The following ADGB variants were observed in gnomAD, a reference collection of about 807,000 sequenced individuals.
ADGB encodes the protein calpain-7-like protein.
A neutral mutation model predicts 210.5 loss-of-function variants in ADGB; 172 were observed. The observed-to-expected ratio is 0.82, with a 90% confidence interval of 0.72 to 0.93. The LOEUF (loss-of-function observed/expected upper bound fraction) is 0.93, where lower values mean the gene tolerates loss of function less well. Among genes scored for constraint, ADGB ranks in the 40% least tolerant of loss-of-function variants. The probability of loss-of-function intolerance (pLI) is 0.00; values close to 1 mark genes in which losing one functional copy is unlikely to be tolerated. For missense variants in ADGB, 2,025 were observed against 1,964.8 expected (o/e 1.03, Z -0.58); for synonymous variants, 658 against 662.7 (o/e 0.99, Z 0.11).
intron 7 of ADGB, among the ~76,000 whole-genome samples, chr6:146,671,819 C>T (rs906427098): frequency 1.3e-5 from 2 of 152,112 alleles, no homozygotes; most frequent in Non-Finnish European, 2.9e-5. Flanking sequence ...AAGCAAGAAA[C>T]AACACTGTCA....
intron 1 of ADGB, among the ~76,000 whole-genome samples, chr6:146,617,690 T>G (rs1208450982): frequency 6.6e-6 from 1 of 152,158 alleles, no homozygotes; most frequent in East Asian, 1.9e-4. Context: ...CAATTATCTA[T>G]TGAAATAATC....
Position 146,699,957 on chromosome 6 carries a change from A to C in ADGB, c.1578-984A>C, listed in dbSNP as rs141566953. ...ACATGAAATTCTAATACCCAGATAC[A>C]GGTGGCTTCATCACCTGATTGGATT... is the stretch of plus-strand genomic sequence containing the variant. On this transcript the variant is annotated intron_variant, in intron 12 of 35. Coordinates refer to ENST00000397944, the MANE Select transcript of ADGB (RefSeq NM_024694.4). Among the ~76,000 whole-genome samples the C allele has an allele frequency of 1.2e-4, 19 of 152,328 alleles. No individual in the cohort carries two copies. The East Asian group carries it at 3.7e-3, about 29-fold the overall frequency.
At chr6:146,807,493 C>T (rs1429591398) in intron 35 of ADGB, 4 of 1,551,580 alleles carry the variant, frequency 2.6e-6, no homozygotes, top group Non-Finnish European at 3.5e-6. Context: ...AAGCTGGAAG[C>T]TCTCTCTGCT....
At chr6:146,647,563 A>G (rs1183228059) in intron 3 of ADGB, among the ~76,000 whole-genome samples, 1 of 152,130 alleles carries the variant, frequency 6.6e-6, no homozygotes, top group Non-Finnish European at 1.5e-5. Flanking sequence ...ATATTAAAAA[A>G]GCGAAGAGCA....
Position 146,726,088 on chromosome 6 carries a change from A to C in ADGB, c.2243A>C (p.His748Pro). The C allele has an allele frequency of 6.5e-7, 1 of 1,528,032 alleles. No individual in the cohort carries two copies. Among genetic ancestry groups the C allele is most frequent in the African/African-American group, 1.4e-5 (1 of 72,890 alleles). 94.7% of individuals were successfully genotyped at this position (1,528,032 alleles called of 1,614,324 possible). ...ATVVRLPVGR[H>P]MLLFNAYSPV... The stretch of plus-strand genomic sequence containing the variant: ...CCGGCATCCCTTCTCTTTAGGAGAC[A>C]CATGCTACTCTTCAACGCATACTCC... The change falls in exon 19 of 36, where the codon CAC becomes CCC. Residue 748 changes from histidine to proline, a missense_variant. By Grantham distance (77) the His-to-Pro change is moderately conservative. Coordinates refer to ENST00000397944, the MANE Select transcript of ADGB (RefSeq NM_024694.4).
chr6:146,694,219 T>C (rs1332885197), intron 12 of ADGB, among the ~76,000 whole-genome samples: 1 of 152,168 alleles, frequency 6.6e-6, no homozygotes, highest in Admixed American at 6.6e-5. Context: ...TTTGGGCTGC[T>C]ATAACAAAAT....
intron 13 of ADGB, among the ~76,000 whole-genome samples, chr6:146,708,779 T>C (rs1274777750): frequency 6.6e-6 from 1 of 152,174 alleles, no homozygotes; most frequent in East Asian, 1.9e-4. Context: ...TTTCTGCTAT[T>C]ATTTCTTTAA....
intron 27 of ADGB, among the ~76,000 whole-genome samples, chr6:146,761,465 C>T (rs1777490771): frequency 1.3e-5 from 2 of 152,044 alleles, no homozygotes; most frequent in Admixed American, 6.6e-5. Context: ...TCCTCCAACA[C>T]TGCCTTTTCT....
At chr6:146,797,825 G>C (rs1778068974) in intron 33 of ADGB, among the ~76,000 whole-genome samples, 1 of 152,104 alleles carries the variant, frequency 6.6e-6, no homozygotes. Flanking sequence ...CACAGCTGAA[G>C]TAATGGGTGC....
intron 8 of ADGB, among the ~76,000 whole-genome samples, chr6:146,674,965 A>T (rs898078056): frequency 1.3e-5 from 2 of 152,200 alleles, no homozygotes; most frequent in Non-Finnish European, 2.9e-5. Context: ...TTTGAAAATT[A>T]TACATGCACT....
chr6:146,727,168 C>G (rs1413180038), intron 19 of ADGB, among the ~76,000 whole-genome samples: 2 of 144,342 alleles, frequency 1.4e-5, no homozygotes, highest in African/African-American at 5.3e-5. Context: ...AGCTCTAACC[C>G]TTTCCTACCA....
chr6:146,672,072 T>C, intron 7 of ADGB, 148 bp from the exon 8 acceptor site: 1 of 1,082,596 alleles, frequency 9.2e-7, no homozygotes, highest in Admixed American at 3.0e-5. Flanking sequence ...GTCTAATACA[T>C]AATGCTGTTC....
chr6:146,634,083 T>G (rs1185199089), intron 1 of ADGB, among the ~76,000 whole-genome samples: 1 of 152,128 alleles, frequency 6.6e-6, no homozygotes, highest in Non-Finnish European at 1.5e-5. Context: ...TTACTGTATT[T>G]TTCTATGTTT....
Position 146,599,119 on chromosome 6 carries a change from G to A in ADGB, c.74+5G>A, listed in dbSNP as rs1780514282. ...CGGATCGGATAAATCGAAAGAGTAA[G>A]GGACCTCTGCCTGTCCGTCCCTCCC... On this transcript the variant is annotated splice_donor_5th_base_variant and intron_variant, in intron 1 of 35. Coordinates refer to ENST00000397944, the MANE Select transcript of ADGB (RefSeq NM_024694.4). 2.6e-6 allele frequency: 4 copies of A among 1,551,318 alleles called. No individual in the cohort carries two copies. Among genetic ancestry groups the A allele is most frequent in the East Asian group, 4.9e-5 (2 of 40,908 alleles).
chr6:146,615,128 G>C (rs6570769), intron 1 of ADGB, among the ~76,000 whole-genome samples: 1 of 151,348 alleles, frequency 6.6e-6, no homozygotes, highest in African/African-American at 2.4e-5. Flanking sequence ...GGATGGTCTC[G>C]ATCTCCTGAC....
intron 3 of ADGB, among the ~76,000 whole-genome samples, chr6:146,648,177 C>G (rs1227065380): frequency 6.6e-6 from 1 of 151,992 alleles, no homozygotes; most frequent in Non-Finnish European, 1.5e-5. Context: ...AATATACTTT[C>G]ATATTTATAT....
rs1009761214 is a variant in ADGB at position 146,598,989 on chromosome 6, C to T, written c.-52C>T. 6 of 1,496,104 alleles carry T rather than the reference C, an allele frequency of 4.0e-6. No individual in the cohort carries two copies. Among genetic ancestry groups the T allele is most frequent in the Non-Finnish European group, 5.5e-6 (6 of 1,097,554 alleles). 92.7% of individuals were successfully genotyped at this position (1,496,104 alleles called of 1,614,324 possible). A position where few individuals can be genotyped will look rare whatever the true frequency, so the allele number is the denominator to read the frequency against. On this transcript the variant is annotated 5_prime_UTR_variant, in exon 1 of 36. Coordinates refer to ENST00000397944, the MANE Select transcript of ADGB (RefSeq NM_024694.4). The stretch of plus-strand genomic sequence containing the variant: ...GGCAACGCAGACGCGGAGCCGAGCG[C>T]GCCCGCAGGCTCTTTGCTCAGAGCT...
intron 35 of ADGB, chr6:146,803,078 A>G: frequency 3.2e-6 from 5 of 1,544,130 alleles, no homozygotes; most frequent in Non-Finnish European, 4.5e-6. Context: ...CAAGTGAGAT[A>G]TATTGTTTTT....
At chr6:146,747,768 T>C (rs959761667) in intron 26 of ADGB, among the ~76,000 whole-genome samples, 4 of 137,706 alleles carry the variant, frequency 2.9e-5, no homozygotes, top group Admixed American at 7.3e-5. Flanking sequence ...TGTATATACA[T>C]ATATATATAT....
Sources: allele counts gnomAD v4.1 joint callset (sites outside exome capture counted in the v4.1 genomes callset), GRCh38; gene constraint gnomAD v4.1.1; transcripts MANE v1.5; gene names NCBI Gene and HGNC (gene_info 2026-07-23, HGNC 2026-07-21).